The following PTPRM variants were observed in gnomAD, a reference collection of about 807,000 sequenced individuals.
PTPRM encodes receptor-type tyrosine-protein phosphatase mu.
A neutral mutation model predicts 186.7 loss-of-function variants in PTPRM; 47 were observed. That is an observed-to-expected ratio of 0.25 (90% CI 0.20 to 0.32). The LOEUF is 0.32. PTPRM is among the 10% of genes least tolerant of loss of function. The probability of loss-of-function intolerance (pLI) is 1.00; values close to 1 mark genes in which losing one functional copy is unlikely to be tolerated. For synonymous variants in PTPRM, 668 were observed against 674.9 expected, an observed-to-expected ratio of 0.99 and a Z score of 0.16; for missense variants, 1,494 against 1,865.0, an observed-to-expected ratio of 0.80 and a Z score of 3.66.
At chr18:8,374,330 C>A (rs1242772398) in intron 24 of PTPRM, among the ~76,000 whole-genome samples, 1 of 152,116 alleles carries the variant, frequency 6.6e-6, no homozygotes, top group Non-Finnish European at 1.5e-5. Context: ...AAACCCCACA[C>A]CCCAAAAACC....
intron 1 of PTPRM, among the ~76,000 whole-genome samples, chr18:7,672,167 G>GA (rs1012336552): frequency 2.6e-5 from 4 of 152,068 alleles, no homozygotes; most frequent in African/African-American, 9.7e-5. Flanking sequence ...TGGGGATTGT[G>GA]AATCAGTCTA....
intron 1 of PTPRM, among the ~76,000 whole-genome samples, chr18:7,674,911 G>C (rs1039400554): frequency 2.0e-5 from 3 of 152,210 alleles, no homozygotes; most frequent in African/African-American, 7.2e-5. Context: ...ATGACTTTCA[G>C]TCCCAGTGTT....
At chr18:7,706,628 A>AAC (rs2040099380) in intron 1 of PTPRM, among the ~76,000 whole-genome samples, 1 of 149,532 alleles carries the variant, frequency 6.7e-6, no homozygotes, top group African/African-American at 2.5e-5. Context: ...AAAAAAAAAA[A>AAC]AACAACAAAA....
intron 14 of PTPRM, among the ~76,000 whole-genome samples, chr18:8,157,020 G>A (rs1600893374): frequency 6.6e-6 from 1 of 152,036 alleles, no homozygotes; most frequent in Non-Finnish European, 1.5e-5. Context: ...CATAAAGCAG[G>A]GGAGCATTAG....
chr18:7,959,404 G>A (rs141515505), intron 7 of PTPRM, among the ~76,000 whole-genome samples: 38 of 152,182 alleles, frequency 2.5e-4, no homozygotes, highest in Middle Eastern at 3.4e-3. Flanking sequence ...CTGTGTTTTC[G>A]TTTCTGTGCT....
At chr18:7,924,784 C>A (rs1287178039) in intron 4 of PTPRM, among the ~76,000 whole-genome samples, 1 of 152,130 alleles carries the variant, frequency 6.6e-6, no homozygotes, top group Non-Finnish European at 1.5e-5. Flanking sequence ...GAAGGAACAG[C>A]ATTTGAGAAA....
chr18:8,179,288 A>G (rs2093536975), intron 14 of PTPRM, among the ~76,000 whole-genome samples: 1 of 152,228 alleles, frequency 6.6e-6, no homozygotes, highest in African/African-American at 2.4e-5. Context: ...CAGAGAAACA[A>G]ATATGCTCCA....
At chr18:8,240,657 GAA>G (rs1568584019) in intron 14 of PTPRM, among the ~76,000 whole-genome samples, 513 of 27,820 alleles carry the variant, frequency 0.018, 58 homozygotes, top group Non-Finnish European at 0.026. Flanking sequence ...GAGAGAGAAA[GAA>G]AGAAAGAAAG....
intron 2 of PTPRM, among the ~76,000 whole-genome samples, chr18:7,800,917 C>G (rs2043928286): frequency 6.6e-6 from 1 of 152,006 alleles, no homozygotes; most frequent in African/African-American, 2.4e-5. Flanking sequence ...GCATAGAAGA[C>G]TTAGAAAATA....
At chr18:8,175,624 C>T (rs2093469498) in intron 14 of PTPRM, among the ~76,000 whole-genome samples, 1 of 152,118 alleles carries the variant, frequency 6.6e-6, no homozygotes, top group Admixed American at 6.5e-5. Context: ...AAAGGCTTCA[C>T]CTATGAATCC....
At chr18:8,095,663 G>A (rs2090980942) in intron 11 of PTPRM, among the ~76,000 whole-genome samples, 1 of 152,062 alleles carries the variant, frequency 6.6e-6, no homozygotes, top group Admixed American at 6.6e-5. Flanking sequence ...AGGATGTGCT[G>A]GGCCCAGTTA....
chr18:7,878,937 C>G (rs533366977), intron 2 of PTPRM, among the ~76,000 whole-genome samples: 1 of 152,264 alleles, frequency 6.6e-6, no homozygotes, highest in South Asian at 2.1e-4. Context: ...AATAGTCAAC[C>G]TGTCACTACT....
chr18:7,838,562 G>C (rs940032529), intron 2 of PTPRM, among the ~76,000 whole-genome samples: 6 of 152,218 alleles, frequency 3.9e-5, no homozygotes, highest in Non-Finnish European at 8.8e-5. Flanking sequence ...GCTGAGGGTG[G>C]AGACACAAGC....
intron 11 of PTPRM, among the ~76,000 whole-genome samples, chr18:8,094,820 A>G (rs1190121954): frequency 6.6e-6 from 1 of 152,150 alleles, no homozygotes; most frequent in Non-Finnish European, 1.5e-5. Flanking sequence ...CACTCACTTT[A>G]TATATCACAT....
intron 22 of PTPRM, among the ~76,000 whole-genome samples, chr18:8,320,975 A>C (rs2095342223): frequency 6.6e-6 from 1 of 152,190 alleles, no homozygotes; most frequent in South Asian, 2.1e-4. Context: ...CATATGGGAT[A>C]GAACAAGGAT....
chr18:7,642,469 A>G (rs2038466268), intron 1 of PTPRM, among the ~76,000 whole-genome samples: 1 of 152,208 alleles, frequency 6.6e-6, no homozygotes, highest in Admixed American at 6.5e-5. Context: ...TGGATGAGAT[A>G]GAAGTTAGAA....
At chr18:8,379,462 T>C (rs565475600) in intron 28 of PTPRM, 122 bp downstream of exon 28, 5 of 1,072,850 alleles carry the variant, frequency 4.7e-6, no homozygotes, top group Admixed American at 6.7e-5. Flanking sequence ...AAACTTTTTT[T>C]TCCAACAAAA....
intron 24 of PTPRM, among the ~76,000 whole-genome samples, chr18:8,371,324 A>G (rs964870074): frequency 1.3e-5 from 2 of 152,190 alleles, no homozygotes; most frequent in Admixed American, 1.3e-4. Context: ...AAAGTTTGCT[A>G]AATTTTGATA....
chr18:7,612,884 T>A (rs569357028), intron 1 of PTPRM, among the ~76,000 whole-genome samples: 83 of 152,272 alleles, frequency 5.5e-4, no homozygotes, highest in African/African-American at 2.0e-3. Context: ...CTAGCTCCCA[T>A]CGAGTAGAAG....
Sources: gnomAD v4.1 joint callset for allele counts (sites outside exome capture counted in the v4.1 genomes callset) on GRCh38, gnomAD v4.1.1 for gene constraint, MANE v1.5 for transcripts, NCBI Gene and HGNC (gene_info 2026-07-23, HGNC 2026-07-21) for gene names.